Variants in PCDH9 observed in about 807,000 individuals in gnomAD.
The protein encoded by PCDH9 is protocadherin 9, also known as protocadherin-9.
PCDH9 carries 24 observed loss-of-function variants against 70.6 expected under a neutral mutation model. The ratio of observed to expected loss-of-function variants is 0.34; its 90% CI spans 0.25 to 0.48. The LOEUF (loss-of-function observed/expected upper bound fraction) is 0.48, where lower values mean the gene tolerates loss of function less well. Ranked by LOEUF, PCDH9 falls within the 20% of genes least tolerant of loss-of-function variation. The pLI is 0.99. For missense variants in PCDH9, 1,281 were observed against 1,503.6 expected (o/e 0.85, Z 2.45); for synonymous variants, 562 against 558.5 (o/e 1.01, Z -0.09).
At chr13:66,570,484 C>T (rs1245057481) in intron 4 of PCDH9, among the ~76,000 whole-genome samples, 2 of 152,060 alleles carry the variant, frequency 1.3e-5, no homozygotes, top group Non-Finnish European at 2.9e-5. Flanking sequence ...ATGTCAATAT[C>T]CTGGCAGTGA....
chr13:66,695,547 C>T (rs2078550463), intron 3 of PCDH9, among the ~76,000 whole-genome samples: 1 of 152,182 alleles, frequency 6.6e-6, no homozygotes, highest in African/African-American at 2.4e-5. Context: ...GTAAATGTCA[C>T]ATATATTATA....
intron 4 of PCDH9, among the ~76,000 whole-genome samples, chr13:66,469,896 T>C (rs1958584986): frequency 6.6e-6 from 1 of 152,198 alleles, no homozygotes; most frequent in African/African-American, 2.4e-5. Context: ...AGCCACCGCA[T>C]TTCATGGACA....
intron 4 of PCDH9, among the ~76,000 whole-genome samples, chr13:66,340,148 ATAT>A (rs1956102036): frequency 6.6e-6 from 1 of 152,258 alleles, no homozygotes; most frequent in African/African-American, 2.4e-5. Flanking sequence ...TAATGGCAGA[ATAT>A]TATTTTCAAA....
chr13:66,961,676 C>T (rs1378408683), intron 2 of PCDH9, among the ~76,000 whole-genome samples: 1 of 151,906 alleles, frequency 6.6e-6, no homozygotes, highest in Non-Finnish European at 1.5e-5. Flanking sequence ...GGCTGCAAAG[C>T]CAAAAATATC....
chr13:66,733,303 G>T (rs939587239), intron 3 of PCDH9, among the ~76,000 whole-genome samples: 3 of 152,050 alleles, frequency 2.0e-5, no homozygotes, highest in Admixed American at 1.3e-4. Flanking sequence ...CCTCCTTACT[G>T]TTTTATTAGG....
At chr13:66,588,411 C>G (rs1356886771) in intron 4 of PCDH9, among the ~76,000 whole-genome samples, 7 of 151,878 alleles carry the variant, frequency 4.6e-5, no homozygotes, top group African/African-American at 1.4e-4. Flanking sequence ...GCCACCATCT[C>G]ATTTATGAAT....
chr13:66,418,194 G>A (rs1957495222), intron 4 of PCDH9, among the ~76,000 whole-genome samples: 1 of 152,158 alleles, frequency 6.6e-6, no homozygotes, highest in Non-Finnish European at 1.5e-5. Flanking sequence ...TAAGGTCTAA[G>A]GAAGGGATCC....
chr13:67,055,965 C>A (rs1439335445), intron 2 of PCDH9, among the ~76,000 whole-genome samples: 2 of 151,932 alleles, frequency 1.3e-5, no homozygotes, highest in Non-Finnish European at 2.9e-5. Context: ...CCAGCCTGGG[C>A]AACATAGTGA....
chr13:66,922,274 A>G (rs1313961628), intron 2 of PCDH9, among the ~76,000 whole-genome samples: 1 of 151,384 alleles, frequency 6.6e-6, no homozygotes, highest in Non-Finnish European at 1.5e-5. Flanking sequence ...TATAAAATAC[A>G]TATCTAGCTG....
chr13:66,848,927 C>CAAAAAAAAA (rs745587776), intron 3 of PCDH9, among the ~76,000 whole-genome samples: 1 of 51,300 alleles, frequency 1.9e-5, no homozygotes, highest in Non-Finnish European at 3.8e-5. Flanking sequence ...GACTCCGTCT[C>CAAAAAAAAA]AAAAAAAAAA....
intron 2 of PCDH9, chr13:67,210,314 G>C (rs1360280091): frequency 6.6e-6 from 1 of 151,972 alleles, no homozygotes. Context: ...ATTAATCACA[G>C]AGCAACCTCA....
chr13:66,785,765 A>T (rs2080069642), intron 3 of PCDH9, among the ~76,000 whole-genome samples: 1 of 152,028 alleles, frequency 6.6e-6, no homozygotes, highest in Non-Finnish European at 1.5e-5. Context: ...GAGGAACGTC[A>T]CTGAGTAGGG....
intron 3 of PCDH9, among the ~76,000 whole-genome samples, chr13:66,846,269 C>T (rs1203513166): frequency 6.6e-6 from 1 of 151,856 alleles, no homozygotes; most frequent in South Asian, 2.1e-4. Context: ...CACGTAATAC[C>T]TTTTCAATAG....
At chr13:66,614,838 A>C (rs1719100125) in intron 4 of PCDH9, among the ~76,000 whole-genome samples, 1 of 152,152 alleles carries the variant, frequency 6.6e-6, no homozygotes, top group African/African-American at 2.4e-5. Context: ...GTCATTTATA[A>C]CCTGACGCGT....
At chr13:66,676,346 T>C (rs762003373) in intron 3 of PCDH9, among the ~76,000 whole-genome samples, 71 of 152,116 alleles carry the variant, frequency 4.7e-4, no homozygotes, top group Middle Eastern at 3.2e-3. Context: ...AAAGTAAATA[T>C]CACAGGAATT....
chr13:67,160,236 A>G (rs73196105), intron 2 of PCDH9, among the ~76,000 whole-genome samples: 3,703 of 152,276 alleles, frequency 0.024, 54 homozygotes, highest in Non-Finnish European at 0.037. Context: ...TTATTTTCAT[A>G]TTTCAGTTTT....
chr13:66,847,679 A>G (rs1274138869), intron 3 of PCDH9, among the ~76,000 whole-genome samples: 5 of 152,158 alleles, frequency 3.3e-5, no homozygotes, highest in African/African-American at 4.8e-5. Flanking sequence ...ATCACTACTC[A>G]TGAGCTTTGG....
intron 4 of PCDH9, among the ~76,000 whole-genome samples, chr13:66,524,294 A>G (rs960813589): frequency 3.3e-5 from 5 of 151,680 alleles, no homozygotes; most frequent in African/African-American, 1.2e-4. Flanking sequence ...TTGTATCAGA[A>G]TTTTTCCTTT....
chr13:66,844,078 A>C (rs1215764235), intron 3 of PCDH9, among the ~76,000 whole-genome samples: 1 of 152,092 alleles, frequency 6.6e-6, no homozygotes, highest in African/African-American at 2.4e-5. Flanking sequence ...TAGTGTGTGG[A>C]AAATCTGTGA....
Sources: allele counts gnomAD v4.1 joint callset (sites outside exome capture counted in the v4.1 genomes callset), GRCh38; gene constraint gnomAD v4.1.1; transcripts MANE v1.5; gene names NCBI Gene and HGNC (gene_info 2026-07-23, HGNC 2026-07-21).